The following GPR85 variants were observed in gnomAD, a reference collection of about 807,000 sequenced individuals.
GPR85 encodes G protein-coupled receptor 85.
A neutral mutation model predicts 21.3 loss-of-function variants in GPR85; 7 were observed. The observed-to-expected ratio is 0.33, with a 90% CI of 0.19 to 0.62. The LOEUF is 0.62. Among genes scored for constraint, GPR85 ranks in the 20% least tolerant of loss-of-function variants. The pLI, the probability that GPR85 is intolerant of heterozygous loss-of-function variation, is 0.80. For missense variants in GPR85, 299 were observed against 443.8 expected (o/e 0.67, Z 2.93); for synonymous variants, 167 against 166.1 (o/e 1.01, Z -0.04).
Position 113,084,128 on chromosome 7 carries a change from T to G in GPR85, c.594A>C (p.Thr198=). ...ATATCAGCTTGAGGTAGACAAGCTGTGTGGCTAGGAGGATGAGAGCAAGAA... is the reference window on the plus strand; with the variant it reads ...ATATCAGCTTGAGGTAGACAAGCTGGGTGGCTAGGAGGATGAGAGCAAGAA... The part of the protein sequence containing the change: ...MLLLALILLA[T]QLVYLKLIFF... Residue 198 remains threonine, a synonymous_variant, in exon 3 of 3, where the codon ACA becomes ACC. Transcript: ENST00000424100. 6.2e-7 allele frequency: 1 copy of G among 1,614,102 alleles called. No individual in the cohort carries two copies.
At position 113,084,192 on chromosome 7, in the gene GPR85, C is replaced by T. The variant is rs528471209; in HGVS notation, c.530G>A (p.Arg177His). The T allele has an allele frequency of 9.3e-6, 15 of 1,613,996 alleles. No individual in the cohort carries two copies. The highest frequency in any genetic ancestry group is 2.7e-5 in the African/African-American group (2 of 75,022). ...TAAGGAATCATTAGCCCTGAAGGAG[C>T]GGTGTTGGAAGGTGCATTGATCTTC... ...REEDQCTFQH[R>H]SFRANDSLGF... The change falls in exon 3 of 3, where the codon CGC becomes CAC. Residue 177 changes from arginine to histidine, a missense_variant. Arg to His is a conservative substitution (Grantham distance 29, BLOSUM62 0). Around this residue, in one of 2 missense-constraint regions of GPR85, gnomAD observed 198 missense variants for 335.4 expected, o/e 0.59. Coordinates refer to ENST00000424100, the MANE Select transcript of GPR85 (RefSeq NM_001146267.2).
At position 113,086,601 on chromosome 7, in the gene GPR85, C is replaced by A; in HGVS notation, c.-568G>T. Reference sequence around the variant, plus strand: ...GCGGCGGCTGCGGTGGCGAGGGCGGCGGCGGGGCTGCTTCAGCCTCTGTGG... The same window carrying A: ...GCGGCGGCTGCGGTGGCGAGGGCGGAGGCGGGGCTGCTTCAGCCTCTGTGG... On this transcript the variant is annotated 5_prime_UTR_variant, in exon 1 of 3. Coordinates refer to ENST00000424100, the MANE Select transcript of GPR85 (RefSeq NM_001146267.2). 6.4e-6 allele frequency: 1 copy of A among 156,274 alleles called. No individual in the cohort carries two copies. Among genetic ancestry groups the A allele is most frequent in the Non-Finnish European group, 1.4e-5 (1 of 71,802 alleles). The allele number at this position is 156,274 out of a possible 1,614,324, so 9.7% of individuals were successfully genotyped here. A position where few individuals can be genotyped will look rare whatever the true frequency, so the allele number is the denominator to read the frequency against.
rs1794283401 is a variant in GPR85, at chr7:113,086,396, C to CTTTTTTTTTTTTTTTTTG, written c.-364_-363insCAAAAAAAAAAAAAAAAA. ...CTGATTTTTTTCTTTTTTTCTTTTT[C>CTTTTTTTTTTTTTTTTTG]TTTTTTTTTTTTTTTTTTTTGTTTT... On this transcript the variant is annotated 5_prime_UTR_variant, in exon 1 of 3. Transcript: ENST00000424100. 2 of 48,074 alleles carry CTTTTTTTTTTTTTTTTTG rather than the reference C, an allele frequency of 4.2e-5. No homozygotes were observed. Among genetic ancestry groups the CTTTTTTTTTTTTTTTTTG allele is most frequent in the South Asian group, 8.0e-4 (1 of 1,254 alleles). The allele number at this position is 48,074 out of a possible 1,614,324, so 3.0% of individuals were successfully genotyped here. A position where few individuals can be genotyped will look rare whatever the true frequency, so the allele number is the denominator to read the frequency against.
In GPR85 at chr7:113,086,417, G is replaced by GTTTTTTTTTTTTTTTTTTTTTTTT. The variant is rs1794296050; in HGVS notation, c.-385_-384insAAAAAAAAAAAAAAAAAAAAAAAA. ...TTTTCTTTTTTTTTTTTTTTTTTTT[G>GTTTTTTTTTTTTTTTTTTTTTTTT]TTTTTTGTTTTTTTTTTTTTTTTTT... On this transcript the variant is annotated 5_prime_UTR_variant, in exon 1 of 3. Transcript: ENST00000424100. 2 of 66,632 alleles carry GTTTTTTTTTTTTTTTTTTTTTTTT rather than the reference G, an allele frequency of 3.0e-5. No homozygotes were observed. The highest frequency in any genetic ancestry group is 5.2e-5 in the Non-Finnish European group (2 of 38,230). 4.1% of individuals were successfully genotyped at this position (66,632 alleles called of 1,614,324 possible). A position where few individuals can be genotyped will look rare whatever the true frequency, so the allele number is the denominator to read the frequency against.
In GPR85 at chr7:113,086,569, C is replaced by CGCGGCG; in HGVS notation, c.-542_-537dup. ...CCGTCTCCCCCAGTAACGCAGGGGCCGCGGCGGCGGCGGCTGCGGTGGCGA... is the reference window on the plus strand; with the variant it reads ...CCGTCTCCCCCAGTAACGCAGGGGCCGCGGCGGCGGCGGCGGCGGCTGCGGTGGCGA... On this transcript the variant is annotated 5_prime_UTR_variant, in exon 1 of 3. Transcript: ENST00000424100. 6.5e-6 allele frequency: 1 copy of CGCGGCG among 154,514 alleles called. No homozygotes were observed. The highest frequency in any genetic ancestry group is 1.4e-5 in the Non-Finnish European group (1 of 70,246). The allele number at this position is 154,514 out of a possible 1,614,324, so 9.6% of individuals were successfully genotyped here. A position where few individuals can be genotyped will look rare whatever the true frequency, so the allele number is the denominator to read the frequency against.
In GPR85 at chr7:113,086,527, C is replaced by A. The variant is rs1245802919; in HGVS notation, c.-494G>T. 2 of 149,330 alleles carry A rather than the reference C, an allele frequency of 1.3e-5. No individual in the cohort carries two copies. The highest frequency in any genetic ancestry group is 2.5e-5 in the African/African-American group (1 of 40,386). 9.3% of individuals were successfully genotyped at this position (149,330 alleles called of 1,614,324 possible). ...CCTCCTTGAGCTCCAGCCGCGTCCT[C>A]CCCTGTCGCAGCGGCACCGTCTCCC... On this transcript the variant is annotated 5_prime_UTR_variant, in exon 1 of 3. Transcript: ENST00000424100.
rs1794315217 is a variant in GPR85 at position 113,086,689 on chromosome 7, C to G, written c.-656G>C. Reference sequence around the variant, plus strand: ...GGGTTTATTGACTGCCCTGTCCAATCCAACTGGCAGCATTAAGCTTTTGTC... The same window carrying G: ...GGGTTTATTGACTGCCCTGTCCAATGCAACTGGCAGCATTAAGCTTTTGTC... On this transcript the variant is annotated 5_prime_UTR_variant, in exon 1 of 3. Coordinates refer to ENST00000424100, the MANE Select transcript of GPR85 (RefSeq NM_001146267.2). Among the ~76,000 whole-genome samples, 1 of 151,890 alleles carries G rather than the reference C, an allele frequency of 6.6e-6. No homozygotes were observed. Among genetic ancestry groups the G allele is most frequent in the Non-Finnish European group, 1.5e-5 (1 of 67,976 alleles).
rs1584557496 is a variant in GPR85, at chr7:113,084,141, A to C, written c.581T>G (p.Ile194Ser). The C allele has an allele frequency of 1.9e-6, 3 of 1,614,182 alleles. No homozygotes were observed. Among genetic ancestry groups the C allele is most frequent in the Non-Finnish European group, 2.5e-6 (3 of 1,180,016 alleles). ...GTAGACAAGCTGTGTGGCTAGGAGGATGAGAGCAAGAAGCAGCATAAATCC... is the reference window on the plus strand; with the variant it reads ...GTAGACAAGCTGTGTGGCTAGGAGGCTGAGAGCAAGAAGCAGCATAAATCC... ...SLGFMLLLAL[I>S]LLATQLVYLK... The change falls in exon 3 of 3, where the codon ATC (isoleucine) becomes AGC (serine). Residue 194 changes from isoleucine (I) to serine (S), a missense_variant. Ile to Ser is a moderately radical substitution (Grantham distance 142). Coordinates refer to ENST00000424100, the MANE Select transcript of GPR85 (RefSeq NM_001146267.2).
chr7:113,087,401 T>C (rs1794337461), upstream of GPR85: 1 of 154,380 alleles, frequency 6.5e-6, no homozygotes, highest in South Asian at 2.0e-4. Context: ...TTATTACAGA[T>C]GAAAAATACT....
In GPR85 at chr7:113,083,422, CAGCAGG is replaced by C. The variant is rs1584556508; in HGVS notation, c.*181_*186del. On this transcript the variant is annotated 3_prime_UTR_variant, in exon 3 of 3. Coordinates refer to ENST00000424100, the MANE Select transcript of GPR85 (RefSeq NM_001146267.2). This position sits in a 1 kb window ranked among gnomAD's most constrained non-coding sequence, Gnocchi z 4.4. Reference sequence around the variant, plus strand: ...TTAATTACAAACCTTTGCTGGCAGTCAGCAGGATCACTCTGAGATTTAAAATAGGAT... The same window carrying C: ...TTAATTACAAACCTTTGCTGGCAGTCATCACTCTGAGATTTAAAATAGGAT... 1 of 591,880 alleles carries C rather than the reference CAGCAGG, an allele frequency of 1.7e-6. No individual in the cohort carries two copies. Among genetic ancestry groups the C allele is most frequent in the East Asian group, 2.8e-5 (1 of 35,176 alleles). 36.7% of individuals were successfully genotyped at this position (591,880 alleles called of 1,614,324 possible). A position where few individuals can be genotyped will look rare whatever the true frequency, so the allele number is the denominator to read the frequency against.
rs1245331160 is a variant in GPR85 at position 113,084,884 on chromosome 7, C to T, written c.-163G>A. The T allele has an allele frequency of 3.5e-6, 1 of 283,394 alleles. No individual in the cohort carries two copies. Among genetic ancestry groups the T allele is most frequent in the East Asian group, 6.7e-5 (1 of 14,898 alleles). 17.6% of individuals were successfully genotyped at this position (283,394 alleles called of 1,614,324 possible). A position where few individuals can be genotyped will look rare whatever the true frequency, so the allele number is the denominator to read the frequency against. On this transcript the variant is annotated 5_prime_UTR_variant, in exon 3 of 3. Coordinates refer to ENST00000424100, the MANE Select transcript of GPR85 (RefSeq NM_001146267.2). ...TCTTTTCTTCCACTTGTTTTGCCAT[C>T]AGAATATCTGAAAAAAAAAAAAAAA...
intron 2 of GPR85, among the ~76,000 whole-genome samples, chr7:113,085,717 T>C (rs896786696): frequency 4.6e-5 from 7 of 152,164 alleles, no homozygotes; most frequent in African/African-American, 1.7e-4. Flanking sequence ...AAAATGCACA[T>C]TGTCTCGCAG....
intron 1 of GPR85, 88 bp downstream of exon 1, chr7:113,086,234 A>C (rs1794276530): frequency 6.7e-6 from 1 of 150,140 alleles, no homozygotes; most frequent in African/African-American, 2.5e-5. Flanking sequence ...AACCTGAGGG[A>C]GGGCTCTTTC....
Position 113,086,090 on chromosome 7 carries a change from G to A in GPR85, c.-269C>T, listed in dbSNP as rs2115773175. 6.6e-6 allele frequency: 1 copy of A among 152,548 alleles called. No individual in the cohort carries two copies. Among genetic ancestry groups the A allele is most frequent in the East Asian group, 1.9e-4 (1 of 5,150 alleles). The allele number at this position is 152,548 out of a possible 1,614,324, so 9.4% of individuals were successfully genotyped here. ...CAGTCTTGTAAGGCTTTCCAGAAAT[G>A]GAGCTCTCAGTAAGCCCTACTGAAG... On this transcript the variant is annotated 5_prime_UTR_variant, in exon 2 of 3. Transcript: ENST00000424100.
Position 113,086,424 on chromosome 7 carries a change from G to GTTTTTGT in GPR85, c.-392_-391insACAAAAA, listed in dbSNP as rs1794298271. On this transcript the variant is annotated 5_prime_UTR_variant, in exon 1 of 3. An upstream open reading frame in the 5' UTR gains an earlier in-frame stop. Coordinates refer to ENST00000424100, the MANE Select transcript of GPR85 (RefSeq NM_001146267.2). ...TTTTTTTTTTTTTTTTTTGTTTTTT[G>GTTTTTGT]TTTTTTTTTTTTTTTTTTTTGCCTT... The GTTTTTGT allele has an allele frequency of 6.3e-5, 4 of 63,856 alleles. No homozygotes were observed. Among genetic ancestry groups the GTTTTTGT allele is most frequent in the African/African-American group, 2.6e-4 (4 of 15,244 alleles). The allele number at this position is 63,856 out of a possible 1,614,324, so 4.0% of individuals were successfully genotyped here. A position where few individuals can be genotyped will look rare whatever the true frequency, so the allele number is the denominator to read the frequency against.
At chr7:113,085,539 T>C (rs1202581307) in intron 2 of GPR85, among the ~76,000 whole-genome samples, 1 of 152,190 alleles carries the variant, frequency 6.6e-6, no homozygotes, top group Non-Finnish European at 1.5e-5. Context: ...TTAATGTAAA[T>C]ATTGGACAGG....
chr7:113,082,430 C>A lies in GPR85; in HGVS notation c.*1179G>T, dbSNP rs1229293736. On this transcript the variant is annotated 3_prime_UTR_variant, in exon 3 of 3. Transcript: ENST00000424100. ...ACTGAAATAATTTAAATTACCAATACACTGAATGTGCAGAAAGTATAAACA... is the reference window on the plus strand; with the variant it reads ...ACTGAAATAATTTAAATTACCAATAAACTGAATGTGCAGAAAGTATAAACA... 6.6e-5 allele frequency: 10 copies of A among 152,504 alleles called. No individual in the cohort carries two copies. Among genetic ancestry groups the A allele is most frequent in the Admixed American group, 6.5e-4 (10 of 15,272 alleles). 9.4% of individuals were successfully genotyped at this position (152,504 alleles called of 1,614,324 possible).
Position 113,086,424 on chromosome 7 carries a change from G to GTTTTTTTTTTTTTTTTT in GPR85, c.-408_-392dup, listed in dbSNP as rs1245422095. The GTTTTTTTTTTTTTTTTT allele has an allele frequency of 3.1e-5, 2 of 63,856 alleles. No homozygotes were observed. The highest frequency in any genetic ancestry group is 4.9e-4 in the East Asian group (1 of 2,052). 4.0% of individuals were successfully genotyped at this position (63,856 alleles called of 1,614,324 possible). On this transcript the variant is annotated 5_prime_UTR_variant, in exon 1 of 3. The change abolishes the stop of an existing upstream ORF in the 5' untranslated region. Coordinates refer to ENST00000424100, the MANE Select transcript of GPR85 (RefSeq NM_001146267.2). The stretch of plus-strand genomic sequence containing the variant: ...TTTTTTTTTTTTTTTTTTGTTTTTT[G>GTTTTTTTTTTTTTTTTT]TTTTTTTTTTTTTTTTTTTTGCCTT...
Position 113,086,407 on chromosome 7 carries a change from T to TTG in GPR85, c.-375_-374insCA, listed in dbSNP as rs1794291542. ...CTTTTTTTCTTTTTCTTTTTTTTTTTTTTTTTTTTGTTTTTTGTTTTTTTT... is the reference window on the plus strand; with the variant it reads ...CTTTTTTTCTTTTTCTTTTTTTTTTTTGTTTTTTTTTGTTTTTTGTTTTTTTT... On this transcript the variant is annotated 5_prime_UTR_variant, in exon 1 of 3. It removes the in-frame stop codon of an upstream open reading frame in the 5' UTR. Coordinates refer to ENST00000424100, the MANE Select transcript of GPR85 (RefSeq NM_001146267.2). 2 of 97,024 alleles carry TTG rather than the reference T, an allele frequency of 2.1e-5. No individual in the cohort carries two copies. Among genetic ancestry groups the TTG allele is most frequent in the Non-Finnish European group, 4.1e-5 (2 of 49,352 alleles). The allele number at this position is 97,024 out of a possible 1,614,324, so 6.0% of individuals were successfully genotyped here.
Sources: allele counts gnomAD v4.1 joint callset (sites outside exome capture counted in the v4.1 genomes callset), GRCh38; gene constraint gnomAD v4.1.1; regional missense constraint gnomAD v4.1.1; non-coding constraint Gnocchi (gnomAD v3.1); transcripts MANE v1.5; gene names NCBI Gene and HGNC (gene_info 2026-07-23, HGNC 2026-07-21).